The following RNF220 variants were observed in gnomAD, a reference collection of about 807,000 sequenced individuals.
RNF220 encodes ring finger protein 220.
In RNF220, 7 loss-of-function variants were observed where a neutral mutation model predicts 67.1. The observed-to-expected ratio is 0.10, with a 90% confidence interval of 0.06 to 0.20. The LOEUF is 0.20. RNF220 is among the 10% of genes least tolerant of loss of function. RNF220 has a pLI of 1.00. For synonymous variants in RNF220, 270 were observed against 283.2 expected, an observed-to-expected ratio of 0.95 and a Z score of 0.47; for missense variants, 565 against 740.3, an observed-to-expected ratio of 0.76 and a Z score of 2.75.
chr1:44,650,086 G>T lies in RNF220; in HGVS notation c.1629+129G>T, dbSNP rs1005983651. On this transcript the variant is annotated intron_variant, in intron 14 of 14. Transcript: ENST00000361799. The surrounding 1 kb of genome is among the most constrained non-coding windows in gnomAD (Gnocchi z 4.3). ...AAAGGAGAACAGAGCCAGGAGCCAG[G>T]ATATTTACCCGCAGGATATTTACCC... 2.1e-5 allele frequency: 20 copies of T among 969,248 alleles called. No homozygotes were observed. Among genetic ancestry groups the T allele is most frequent in the Admixed American group, 1.5e-4 (6 of 41,012 alleles). The allele number at this position is 969,248 out of a possible 1,614,324, so 60.0% of individuals were successfully genotyped here.
rs1644751772 is a variant in RNF220, at chr1:44,650,109, C to T, written c.1629+152C>T. On this transcript the variant is annotated intron_variant, in intron 14 of 14. Transcript: ENST00000361799. The surrounding 1 kb of genome is among the most constrained non-coding windows in gnomAD (Gnocchi z 4.3). ...AGGATATTTACCCGCAGGATATTTA[C>T]CCCCAGGCTCGCTGCCTCTCCTCCC... The T allele has an allele frequency of 6.3e-6, 5 of 788,706 alleles. No homozygotes were observed. The highest frequency in any genetic ancestry group is 9.9e-6 in the Non-Finnish European group (5 of 504,478). 48.9% of individuals were successfully genotyped at this position (788,706 alleles called of 1,614,324 possible).
At chr1:44,413,645 A>T (rs1648224146) in intron 2 of RNF220, among the ~76,000 whole-genome samples, 2 of 152,208 alleles carry the variant, frequency 1.3e-5, no homozygotes, top group Admixed American at 1.3e-4. Context: ...GTGAGAATTT[A>T]TGAACTGAGG....
intron 2 of RNF220, among the ~76,000 whole-genome samples, chr1:44,515,358 A>G (rs375691323): frequency 1.3e-5 from 2 of 152,300 alleles, no homozygotes; most frequent in East Asian, 1.9e-4. Context: ...TGGTTCTTGA[A>G]TAATGTAGGT....
intron 2 of RNF220, among the ~76,000 whole-genome samples, chr1:44,430,218 CTT>C (rs1650217105): frequency 6.6e-6 from 1 of 151,982 alleles, no homozygotes. Context: ...GCGAGTAAGA[CTT>C]TTTCTTGTAT....
chr1:44,650,390 C>A lies in RNF220; in HGVS notation c.1630-314C>A. ...CGGAGACAGTAATAAAAGGCTCGGA[C>A]GTGGGCTCTGTGTCCTGATCAAAGG... On this transcript the variant is annotated intron_variant, in intron 14 of 14. Coordinates refer to ENST00000361799, the MANE Select transcript of RNF220 (RefSeq NM_018150.4). The surrounding 1 kb of genome is among the most constrained non-coding windows in gnomAD (Gnocchi z 4.3). 2 of 468,514 alleles carry A rather than the reference C, an allele frequency of 4.3e-6. No individual in the cohort carries two copies. The highest frequency in any genetic ancestry group is 3.9e-6 in the Non-Finnish European group (1 of 257,544). 29.0% of individuals were successfully genotyped at this position (468,514 alleles called of 1,614,324 possible).
intron 8 of RNF220, among the ~76,000 whole-genome samples, chr1:44,637,609 C>T (rs1644366021): frequency 6.6e-6 from 1 of 152,208 alleles, no homozygotes; most frequent in Non-Finnish European, 1.5e-5. Flanking sequence ...CTTCTGGGCA[C>T]CAGACAGGGC....
upstream of RNF220, chr1:44,405,192 T>TGTCC: frequency 3.2e-6 from 1 of 312,020 alleles, no homozygotes; most frequent in Non-Finnish European, 5.9e-6. Context: ...TGAGAGAATG[T>TGTCC]GTGCGTGCGT....
At chr1:44,524,448 C>G (rs1660200239) in intron 2 of RNF220, among the ~76,000 whole-genome samples, 1 of 152,102 alleles carries the variant, frequency 6.6e-6, no homozygotes, top group African/African-American at 2.4e-5. Flanking sequence ...TCCCAGCCCC[C>G]ACCTCCCTCC....
At chr1:44,466,341 A>G (rs1302570014) in intron 2 of RNF220, among the ~76,000 whole-genome samples, 1 of 152,092 alleles carries the variant, frequency 6.6e-6, no homozygotes, top group Non-Finnish European at 1.5e-5. Flanking sequence ...TACTTTCTCC[A>G]CTAAGGTCTT....
chr1:44,537,929 C>G (rs1314920684), intron 2 of RNF220, among the ~76,000 whole-genome samples: 3 of 152,198 alleles, frequency 2.0e-5, no homozygotes, highest in Non-Finnish European at 2.9e-5. Context: ...TTCCCATGAA[C>G]CTTCTCAAGG....
At chr1:44,438,165 G>A (rs1651173067) in intron 2 of RNF220, among the ~76,000 whole-genome samples, 1 of 152,128 alleles carries the variant, frequency 6.6e-6, no homozygotes, top group Non-Finnish European at 1.5e-5. Flanking sequence ...CAGTCACCCA[G>A]GCTGGAGTGC....
At chr1:44,554,979 C>CTGG (rs1394241134) in intron 2 of RNF220, among the ~76,000 whole-genome samples, 1 of 152,174 alleles carries the variant, frequency 6.6e-6, no homozygotes, top group Non-Finnish European at 1.5e-5. Flanking sequence ...ATATTTCTAG[C>CTGG]ATGTAAATCC....
intron 2 of RNF220, among the ~76,000 whole-genome samples, chr1:44,481,357 T>G (rs1655790612): frequency 6.6e-6 from 1 of 152,002 alleles, no homozygotes. Context: ...GCTCAGGAAT[T>G]CGAGGCTGCA....
chr1:44,478,632 G>A (rs1435779773), intron 2 of RNF220, among the ~76,000 whole-genome samples: 2 of 152,150 alleles, frequency 1.3e-5, no homozygotes, highest in African/African-American at 2.4e-5. Flanking sequence ...TGAGGCAAGA[G>A]AATCACTTGA....
At chr1:44,474,485 A>T (rs569820079) in intron 2 of RNF220, among the ~76,000 whole-genome samples, 2 of 151,512 alleles carry the variant, frequency 1.3e-5, no homozygotes, top group South Asian at 4.2e-4. Flanking sequence ...AAGGAGGGAG[A>T]ATCGCTTAAG....
Position 44,600,810 on chromosome 1 carries a change from AG to A in RNF220, c.626-13354del, listed in dbSNP as rs1418813466. ...CACTCCAGCCTGGGCAACAAGAGCA[AG>A]ACTCTGTCTCAAAAAAAAAAAAAGT... On this transcript the variant is annotated intron_variant, in intron 2 of 14. Coordinates refer to ENST00000361799, the MANE Select transcript of RNF220 (RefSeq NM_018150.4). This position sits in a 1 kb window ranked among gnomAD's most constrained non-coding sequence, Gnocchi z 4.0. Among the ~76,000 whole-genome samples the A allele has an allele frequency of 9.9e-5, 15 of 151,252 alleles. No individual in the cohort carries two copies. In the East Asian group the frequency reaches 2.5e-3, roughly 25 times the overall value.
chr1:44,567,664 T>G (rs910673715), intron 2 of RNF220, among the ~76,000 whole-genome samples: 1 of 152,088 alleles, frequency 6.6e-6, no homozygotes, highest in Admixed American at 6.5e-5. Flanking sequence ...AGGTGGCCAC[T>G]AAGACCCTAG....
intron 2 of RNF220, among the ~76,000 whole-genome samples, chr1:44,555,284 T>C (rs1469948987): frequency 6.6e-6 from 1 of 152,096 alleles, no homozygotes; most frequent in Admixed American, 6.6e-5. Context: ...TTCAGGAATG[T>C]CTCGAACTCC....
At chr1:44,557,952 A>T (rs1663251148) in intron 2 of RNF220, among the ~76,000 whole-genome samples, 1 of 152,206 alleles carries the variant, frequency 6.6e-6, no homozygotes, top group South Asian at 2.1e-4. Flanking sequence ...GGTGGGACAG[A>T]GTGCCACGGC....
Sources: gnomAD v4.1 joint callset for allele counts (sites outside exome capture counted in the v4.1 genomes callset) on GRCh38, gnomAD v4.1.1 for gene constraint, Gnocchi (gnomAD v3.1) non-coding constraint, MANE v1.5 for transcripts, NCBI Gene and HGNC (gene_info 2026-07-23, HGNC 2026-07-21) for gene names.